Variants in ATP1A2 observed in about 807,000 individuals in gnomAD.
The protein encoded by ATP1A2 is ATPase Na+/K+ transporting subunit alpha 2.
In ATP1A2, 56 loss-of-function variants were observed where a neutral mutation model predicts 113.1. That is an observed-to-expected ratio of 0.49 (90% confidence interval 0.40 to 0.62). The LOEUF (loss-of-function observed/expected upper bound fraction) is 0.62. Among genes scored for constraint, ATP1A2 ranks in the 20% least tolerant of loss-of-function variants. The pLI is 0.00. For missense variants in ATP1A2, 712 were observed against 1,357.8 expected (o/e 0.52, Z 7.47); for synonymous variants, 490 against 526.8 (o/e 0.93, Z 0.96).
chr1:160,134,765 C>G (rs1030841089), intron 14 of ATP1A2, 145 bp downstream of exon 14: 2 of 1,262,930 alleles, frequency 1.6e-6, no homozygotes, highest in South Asian at 1.3e-5. Context: ...GGTTCCTCAG[C>G]CCTGAGCTTG....
At chr1:160,123,021 C>A (rs1354767126) in intron 3 of ATP1A2, among the ~76,000 whole-genome samples, 192 bp from the exon 4 acceptor site, 1 of 152,152 alleles carries the variant, frequency 6.6e-6, no homozygotes, top group Non-Finnish European at 1.5e-5. Context: ...TCTCAGCCCT[C>A]AAGCCCTCCA....
chr1:160,142,411 G>T lies in ATP1A2; in HGVS notation c.*1089G>T, dbSNP rs1652180821. ...CATTGGCTAGAATCAGGGTGGAGAAGTTCCCTGAACCTTCCTGTCTCCCAG... is the reference window on the plus strand; with the variant it reads ...CATTGGCTAGAATCAGGGTGGAGAATTTCCCTGAACCTTCCTGTCTCCCAG... On this transcript the variant is annotated 3_prime_UTR_variant, in exon 23 of 23. Coordinates refer to ENST00000361216, the MANE Select transcript of ATP1A2 (RefSeq NM_000702.4). 6.6e-6 allele frequency: 1 copy of T among 152,244 alleles called. No individual in the cohort carries two copies. The highest frequency in any genetic ancestry group is 6.5e-5 in the Admixed American group (1 of 15,286). 9.4% of individuals were successfully genotyped at this position (152,244 alleles called of 1,614,324 possible).
intron 18 of ATP1A2, 61 bp from the exon 19 acceptor site, chr1:160,136,509 G>A (rs1651956421): frequency 6.2e-7 from 1 of 1,613,610 alleles, no homozygotes; most frequent in East Asian, 2.2e-5. Flanking sequence ...GGCCCTGAGG[G>A]GCTGTGCCCC....
At chr1:160,128,312 G>C (rs866999448) in intron 8 of ATP1A2, 1 of 539,812 alleles carries the variant, frequency 1.9e-6, no homozygotes, top group Non-Finnish European at 3.4e-6. Flanking sequence ...GGCCTCAGCT[G>C]TCTGTTCTTC....
chr1:160,126,922 C>T (rs1440156816), intron 7 of ATP1A2, among the ~76,000 whole-genome samples: 1 of 152,108 alleles, frequency 6.6e-6, no homozygotes, highest in Non-Finnish European at 1.5e-5. Flanking sequence ...TTGTTGAGCA[C>T]CCGCTATGTT....
chr1:160,135,563 G>C lies in ATP1A2; in HGVS notation c.2245G>C (p.Asp749His). ...GCAGGCAGCCGACATGATCCTGCTG[G>C]ATGACAACTTTGCCTCCATCGTCAC... ...SKQAADMILL[D>H]DNFASIVTGV... The change falls in exon 16 of 23, where the codon GAT (aspartate) becomes CAT (histidine). Residue 749 changes from aspartate (D) to histidine (H), a missense_variant. Transcript: ENST00000361216. The surrounding 1 kb of genome is among the most constrained non-coding windows in gnomAD (Gnocchi z 6.3). 6.2e-7 allele frequency: 1 copy of C among 1,614,174 alleles called. No homozygotes were observed. The highest frequency in any genetic ancestry group is 8.5e-7 in the Non-Finnish European group (1 of 1,180,030).
chr1:160,135,636 G>A lies in ATP1A2; in HGVS notation c.2284+34G>A. ...GCTGCATGGGTTGGGATGGTTTGCA[G>A]GATACTGAAGCCGGCACCTCTGTTC... is the stretch of plus-strand genomic sequence containing the variant. On this transcript the variant is annotated intron_variant, in intron 16 of 22. Coordinates refer to ENST00000361216, the MANE Select transcript of ATP1A2 (RefSeq NM_000702.4). The surrounding 1 kb of genome is among the most constrained non-coding windows in gnomAD (Gnocchi z 6.3). The A allele has an allele frequency of 6.2e-7, 1 of 1,612,804 alleles. No homozygotes were observed. Among genetic ancestry groups the A allele is most frequent in the Non-Finnish European group, 8.5e-7 (1 of 1,180,004 alleles).
Position 160,127,410 on chromosome 1 carries a change from G to A in ATP1A2, c.749-142G>A, listed in dbSNP as rs140082090. On this transcript the variant is annotated intron_variant, in intron 7 of 22. Coordinates refer to ENST00000361216, the MANE Select transcript of ATP1A2 (RefSeq NM_000702.4). ...ATCCAGGGAAAGGAAGGCCAAGTGG[G>A]GACAACCTACTGAATGTGGCCTCCA... 1.7e-4 allele frequency: 199 copies of A among 1,151,500 alleles called. No individual in the cohort carries two copies. In the East Asian group the frequency reaches 5.0e-3, roughly 29 times the overall value. 71.3% of individuals were successfully genotyped at this position (1,151,500 alleles called of 1,614,324 possible). A position where few individuals can be genotyped will look rare whatever the true frequency, so the allele number is the denominator to read the frequency against.
chr1:160,124,238 G>A, intron 5 of ATP1A2, 58 bp from the exon 6 acceptor site: 1 of 1,560,344 alleles, frequency 6.4e-7, no homozygotes, highest in South Asian at 1.2e-5. Context: ...GAGACCAGCA[G>A]GAGAAGAAGG....
chr1:160,139,760 C>G lies in ATP1A2; in HGVS notation c.2942+19C>G. The G allele has an allele frequency of 6.2e-7, 1 of 1,613,752 alleles. No homozygotes were observed. ...CGCTCAAGTGAGTGTCTCTTTCGGG[C>G]GGCCTGAGTAGTCATACGGGGGGCC... On this transcript the variant is annotated intron_variant, in intron 21 of 22. Transcript: ENST00000361216.
intron 3 of ATP1A2, 46 bp from the exon 4 acceptor site, chr1:160,123,167 G>A: frequency 6.2e-7 from 1 of 1,606,506 alleles, no homozygotes; most frequent in Non-Finnish European, 8.5e-7. Flanking sequence ...TGACTGGCTG[G>A]GTTGGCTCCG....
chr1:160,117,927 G>C (rs1382319041), intron 1 of ATP1A2, among the ~76,000 whole-genome samples: 1 of 152,152 alleles, frequency 6.6e-6, no homozygotes, highest in Admixed American at 6.5e-5. Context: ...CCCAGAGAGG[G>C]GGACTTGTGG....
At position 160,130,187 on chromosome 1, in the gene ATP1A2, C is replaced by T; in HGVS notation, c.1547C>T (p.Ser516Phe). Residue 516 changes from serine to phenylalanine, a missense_variant, in exon 12 of 23, where the codon TCC becomes TTC. By Grantham distance (155) the Ser-to-Phe change is radical (BLOSUM62 -2). Around this residue, in one of 6 missense-constraint regions of ATP1A2, gnomAD observed 263 missense variants for 380.6 expected, o/e 0.69. Transcript: ENST00000361216. ...CCAGAGCGCATTCTGGACCGGTGCT[C>T]CACCATCCTGGTGCAGGGCAAGGAG... Reference protein sequence around the residue: ...GAPERILDRCSTILVQGKEIP... With the variant: ...GAPERILDRCFTILVQGKEIP... 6.2e-7 allele frequency: 1 copy of T among 1,614,160 alleles called. No homozygotes were observed.
chr1:160,118,582 G>T (rs1000276298), intron 1 of ATP1A2, among the ~76,000 whole-genome samples: 5 of 152,150 alleles, frequency 3.3e-5, no homozygotes, highest in African/African-American at 1.2e-4. Context: ...TCCCCAAGAA[G>T]ATCTGCCTTT....
At chr1:160,136,850 C>G in intron 19 of ATP1A2, 51 bp from the exon 20 acceptor site, 1 of 1,614,194 alleles carries the variant, frequency 6.2e-7, no homozygotes, top group East Asian at 2.2e-5. Flanking sequence ...ACCTTCTGGT[C>G]CTACCCTTTC....
chr1:160,125,432 C>A, intron 7 of ATP1A2, 179 bp downstream of exon 7: 2 of 621,756 alleles, frequency 3.2e-6, no homozygotes, highest in Non-Finnish European at 5.8e-6. Flanking sequence ...TGACTGAGGG[C>A]AGCCTGACTC....
chr1:160,124,705 T>A (rs1651528694), intron 6 of ATP1A2, among the ~76,000 whole-genome samples: 1 of 152,234 alleles, frequency 6.6e-6, no homozygotes, highest in African/African-American at 2.4e-5. Context: ...CTGCTTTATA[T>A]ATGTTCGATG....
rs180827585 is a variant in ATP1A2 at position 160,128,672 on chromosome 1, C to T, written c.1038C>T (p.Ala346=). The part of the protein sequence containing the change: ...ATVTVCLTLT[A]KRMARKNCLV... ...ACCAGGTGTGCCTGACCCTGACAGC[C>T]AAGCGCATGGCACGGAAGAACTGCC... The change falls in exon 9 of 23, where the codon GCC becomes GCT. Residue 346 remains alanine (A), a synonymous_variant. Coordinates refer to ENST00000361216, the MANE Select transcript of ATP1A2 (RefSeq NM_000702.4). The T allele has an allele frequency of 6.2e-7, 1 of 1,614,174 alleles. No individual in the cohort carries two copies. The highest frequency in any genetic ancestry group is 2.2e-5 in the East Asian group (1 of 44,880).
intron 5 of ATP1A2, 80 bp from the exon 6 acceptor site, chr1:160,124,216 T>C: frequency 6.4e-7 from 1 of 1,555,368 alleles, no homozygotes; most frequent in Non-Finnish European, 8.7e-7. Context: ...CTCCTTCTGC[T>C]TGACGGTGTG....
Sources: gnomAD v4.1 joint callset for allele counts (sites outside exome capture counted in the v4.1 genomes callset) on GRCh38, gnomAD v4.1.1 for gene constraint, gnomAD v4.1.1 regional missense constraint, Gnocchi (gnomAD v3.1) non-coding constraint, MANE v1.5 for transcripts, NCBI Gene and HGNC (gene_info 2026-07-23, HGNC 2026-07-21) for gene names.